Variants in AUTS2 observed in about 807,000 individuals in gnomAD.
AUTS2 encodes the protein autism susceptibility gene 2 protein.
Under a neutral mutation model 112.4 loss-of-function variants are expected in AUTS2, and 17 were observed. The observed-to-expected ratio is 0.15, with a 90% CI of 0.10 to 0.23. The LOEUF (loss-of-function observed/expected upper bound fraction) is 0.23. AUTS2 is among the 10% of genes least tolerant of loss of function. The pLI, the probability that AUTS2 is intolerant of heterozygous loss-of-function variation, is 1.00. For missense variants in AUTS2, 1,510 were observed against 1,701.6 expected (o/e 0.89, Z 1.98); for synonymous variants, 751 against 702.7 (o/e 1.07, Z -1.09).
chr7:70,316,409 T>A lies in AUTS2; in HGVS notation c.661-119343T>A, dbSNP rs1789999609. ...TGGAGCCAGGTCTCTATTTTTTTTT[T>A]TTTTTTTTTTTTTTGAGACAGAGTC... On this transcript the variant is annotated intron_variant, in intron 4 of 18. Transcript: ENST00000342771. Among the ~76,000 whole-genome samples the A allele has an allele frequency of 1.4e-4, 20 of 143,652 alleles. No individual in the cohort carries two copies. The South Asian group carries it at 4.3e-3, about 31-fold the overall frequency. 94.2% of individuals were successfully genotyped at this position (143,652 alleles called of 152,430 possible). A position where few individuals can be genotyped will look rare whatever the true frequency, so the allele number is the denominator to read the frequency against.
chr7:70,527,846 G>A (rs1442193839), intron 5 of AUTS2, among the ~76,000 whole-genome samples: 2 of 152,154 alleles, frequency 1.3e-5, no homozygotes, highest in Non-Finnish European at 2.9e-5. Context: ...ACTGAGACAA[G>A]AAGCAAAGCC....
chr7:69,935,379 T>G (rs1796371493), intron 2 of AUTS2, among the ~76,000 whole-genome samples: 1 of 152,220 alleles, frequency 6.6e-6, no homozygotes, highest in African/African-American at 2.4e-5. Flanking sequence ...GGAATCATCA[T>G]AGAATTTTAA....
intron 5 of AUTS2, among the ~76,000 whole-genome samples, chr7:70,476,618 G>A (rs1403282121): frequency 6.6e-6 from 1 of 152,200 alleles, no homozygotes; most frequent in Non-Finnish European, 1.5e-5. Context: ...TCAGACTATA[G>A]CATATCCATG....
intron 1 of AUTS2, among the ~76,000 whole-genome samples, chr7:69,859,478 C>T (rs911573040): frequency 8.5e-5 from 13 of 152,156 alleles, no homozygotes; most frequent in South Asian, 4.1e-4. Context: ...CTGTTAGTAA[C>T]GGGCAGAAGT....
At chr7:70,629,622 G>A (rs1805152984) in intron 5 of AUTS2, among the ~76,000 whole-genome samples, 1 of 152,160 alleles carries the variant, frequency 6.6e-6, no homozygotes, top group South Asian at 2.1e-4. Context: ...GATCATGGCA[G>A]CTGGTGACTG....
At chr7:70,571,213 T>A (rs971540848) in intron 5 of AUTS2, among the ~76,000 whole-genome samples, 4 of 152,188 alleles carry the variant, frequency 2.6e-5, no homozygotes, top group African/African-American at 9.7e-5. Context: ...AACTTGAGAT[T>A]GAAGGCTCGC....
At chr7:69,835,971 T>C (rs568311616) in intron 1 of AUTS2, among the ~76,000 whole-genome samples, 1 of 152,294 alleles carries the variant, frequency 6.6e-6, no homozygotes, top group Admixed American at 6.5e-5. Context: ...TAGAACGAAT[T>C]GCCTCCTGGC....
chr7:70,076,242 C>T (rs1182933171), intron 2 of AUTS2, among the ~76,000 whole-genome samples: 3 of 151,906 alleles, frequency 2.0e-5, no homozygotes, highest in Admixed American at 1.3e-4. Flanking sequence ...AAAAAAGCAT[C>T]GCATTAAAAT....
chr7:69,748,836 A>G (rs1787618749), intron 1 of AUTS2, among the ~76,000 whole-genome samples: 1 of 152,294 alleles, frequency 6.6e-6, no homozygotes, highest in East Asian at 1.9e-4. Context: ...TGAGTGTGTC[A>G]GAGAGCTCTT....
chr7:70,636,374 C>T (rs1000342316), intron 5 of AUTS2, among the ~76,000 whole-genome samples: 2 of 152,150 alleles, frequency 1.3e-5, no homozygotes, highest in African/African-American at 4.8e-5. Flanking sequence ...GCTTTCAGAA[C>T]CACTACTCTA....
intron 2 of AUTS2, among the ~76,000 whole-genome samples, chr7:70,060,263 T>C (rs1802182630): frequency 6.6e-6 from 1 of 152,180 alleles, no homozygotes; most frequent in South Asian, 2.1e-4. Context: ...CTTAAAGAAA[T>C]GCTAGATAAA....
At chr7:70,682,684 C>G (rs576153569) in intron 5 of AUTS2, among the ~76,000 whole-genome samples, 4 of 152,326 alleles carry the variant, frequency 2.6e-5, no homozygotes, top group African/African-American at 9.6e-5. Flanking sequence ...TGCTTTGTAA[C>G]AAACCACGAA....
At chr7:70,347,184 AACTT>A (rs776621143) in intron 4 of AUTS2, among the ~76,000 whole-genome samples, 3 of 152,054 alleles carry the variant, frequency 2.0e-5, no homozygotes, top group Non-Finnish European at 4.4e-5. Flanking sequence ...ACTTACCTGA[AACTT>A]ACTTCTTGTA....
chr7:69,858,030 G>A (rs564676382), intron 1 of AUTS2, among the ~76,000 whole-genome samples: 1 of 152,234 alleles, frequency 6.6e-6, no homozygotes, highest in African/African-American at 2.4e-5. Flanking sequence ...AGGTGTTAGG[G>A]GCATGGAGTC....
chr7:69,959,722 CTT>C (rs1443587778), intron 2 of AUTS2, among the ~76,000 whole-genome samples: 5 of 152,262 alleles, frequency 3.3e-5, no homozygotes, highest in Middle Eastern at 3.4e-3. Flanking sequence ...TCTTAAACCT[CTT>C]TTAAAATCTG....
intron 1 of AUTS2, among the ~76,000 whole-genome samples, chr7:69,830,475 C>G (rs1791451128): frequency 1.3e-5 from 2 of 152,144 alleles, no homozygotes; most frequent in South Asian, 4.1e-4. Flanking sequence ...CCAATGAGCT[C>G]AGATCCAACT....
chr7:70,353,142 C>G (rs1007649284), intron 4 of AUTS2, among the ~76,000 whole-genome samples: 1 of 152,146 alleles, frequency 6.6e-6, no homozygotes, highest in Non-Finnish European at 1.5e-5. Context: ...ACCAGTTGCT[C>G]TGGAAACAGA....
chr7:69,619,617 A>G (rs1197992535), intron 1 of AUTS2, among the ~76,000 whole-genome samples: 1 of 152,194 alleles, frequency 6.6e-6, no homozygotes, highest in African/African-American at 2.4e-5. Context: ...GCTATCAATT[A>G]TGTGTTATGT....
chr7:69,609,553 A>G (rs1403293405), intron 1 of AUTS2, among the ~76,000 whole-genome samples: 2 of 152,224 alleles, frequency 1.3e-5, no homozygotes, highest in South Asian at 2.1e-4. Flanking sequence ...TGGAAGTAAG[A>G]TGACCTTAAT....
Sources: allele counts gnomAD v4.1 joint callset (sites outside exome capture counted in the v4.1 genomes callset), GRCh38; gene constraint gnomAD v4.1.1; transcripts MANE v1.5; gene names NCBI Gene and HGNC (gene_info 2026-07-23, HGNC 2026-07-21).